Variants in FAT3 observed in about 807,000 individuals in gnomAD.
The protein encoded by FAT3 is protocadherin Fat 3.
Under a neutral mutation model 310.2 loss-of-function variants are expected in FAT3, and 95 were observed. The observed-to-expected ratio is 0.31, with a 90% CI of 0.26 to 0.36. The LOEUF (loss-of-function observed/expected upper bound fraction) is 0.36, where lower values mean the gene tolerates loss of function less well. Ranked by LOEUF, FAT3 falls within the 10% of genes least tolerant of loss-of-function variation. The probability of loss-of-function intolerance (pLI) is 1.00; values close to 1 mark genes in which losing one functional copy is unlikely to be tolerated. For synonymous variants in FAT3, 2,314 were observed against 2,192.9 expected (o/e 1.06, Z -1.54); for missense variants, 5,408 against 5,715.6 (o/e 0.95, Z 1.74).
intron 26 of FAT3, 51 bp downstream of exon 26, chr11:92,889,299 T>C: frequency 3.0e-6 from 2 of 675,540 alleles, no homozygotes; most frequent in Non-Finnish European, 5.5e-6. Context: ...GCTTCCTTGT[T>C]ACTTTGGACT....
At chr11:92,821,770 G>A (rs777958422) in intron 13 of FAT3, among the ~76,000 whole-genome samples, 4 of 152,150 alleles carry the variant, frequency 2.6e-5, no homozygotes, top group Non-Finnish European at 5.9e-5. Context: ...CAAGGCATCT[G>A]TTAAATGGAG....
At chr11:92,347,228 G>A (rs949835804) in intron 1 of FAT3, among the ~76,000 whole-genome samples, 3 of 152,056 alleles carry the variant, frequency 2.0e-5, no homozygotes, top group African/African-American at 7.2e-5. Flanking sequence ...ATTGGCTCTG[G>A]CACTGCATAC....
chr11:92,758,740 G>A (rs1946066961), intron 4 of FAT3, among the ~76,000 whole-genome samples: 2 of 152,190 alleles, frequency 1.3e-5, no homozygotes, highest in South Asian at 4.2e-4. Flanking sequence ...CAAGATGCAA[G>A]GGGGGTCTGT....
At chr11:92,336,351 G>A (rs773396018) in intron 1 of FAT3, 36 of 384,876 alleles carry the variant, frequency 9.4e-5, no homozygotes, top group Non-Finnish European at 1.4e-4. Context: ...GGTCAGTTCC[G>A]GGGGCTGTTT....
intron 2 of FAT3, among the ~76,000 whole-genome samples, chr11:92,379,106 TTC>T (rs1949426361): frequency 6.6e-6 from 1 of 152,158 alleles, no homozygotes; most frequent in South Asian, 2.1e-4. Flanking sequence ...TCCATATGCT[TTC>T]TGTAAGAAAC....
At chr11:92,539,456 A>G (rs1229666734) in intron 3 of FAT3, among the ~76,000 whole-genome samples, 2 of 152,176 alleles carry the variant, frequency 1.3e-5, no homozygotes, top group Non-Finnish European at 2.9e-5. Context: ...TGTAATAGCT[A>G]GTAAATGACT....
chr11:92,828,752 G>A (rs1311704560), intron 13 of FAT3, among the ~76,000 whole-genome samples: 1 of 152,136 alleles, frequency 6.6e-6, no homozygotes, highest in Non-Finnish European at 1.5e-5. Flanking sequence ...TCCTGTAAAC[G>A]CAGCACTCCA....
rs1450053871 is a variant in FAT3 at position 92,799,162 on chromosome 11, A to G, written c.6149A>G (p.Tyr2050Cys). ...TTTGACCGTGAAGAACAAGAGTTAT[A>G]TGAGCTGGTGGTAGAAGCCAGCCGT... ...VPFDREEQEL[Y>C]ELVVEASREL... Residue 2050 changes from tyrosine (Y) to cysteine (C), a missense_variant, in exon 10 of 28, where the codon TAT becomes TGT. Physicochemically the swap from Tyr to Cys is radical, Grantham distance 194. Coordinates refer to ENST00000525166, the MANE Select transcript of FAT3 (RefSeq NM_001367949.2). 35 of 1,613,828 alleles carry G rather than the reference A, an allele frequency of 2.2e-5. No individual in the cohort carries two copies. Among genetic ancestry groups the G allele is most frequent in the Non-Finnish European group, 3.0e-5 (35 of 1,179,872 alleles).
In FAT3 at chr11:92,342,982, C is replaced by T. The variant is rs546374658; in HGVS notation, c.-17-9114C>T. 1.3e-3 allele frequency among the ~76,000 whole-genome samples: 198 copies of T among 152,178 alleles called. 1 individual carries two copies. The highest frequency in any genetic ancestry group is 4.5e-3 in the African/African-American group (187 of 41,510). ...TGCTAATCTTTCCTTCTGATAGCCC[C>T]TGGTTGAATTACTCCTGAATTTGAA... On this transcript the variant is annotated intron_variant, in intron 1 of 27. Coordinates refer to ENST00000525166, the MANE Select transcript of FAT3 (RefSeq NM_001367949.2).
At chr11:92,875,103 G>T (rs1358108609) in intron 22 of FAT3, among the ~76,000 whole-genome samples, 4 of 151,014 alleles carry the variant, frequency 2.6e-5, no homozygotes, top group Non-Finnish European at 5.9e-5. Flanking sequence ...GTGAGAACAG[G>T]TTAATTTTCA....
At chr11:92,712,028 T>G (rs1184619512) in intron 4 of FAT3, among the ~76,000 whole-genome samples, 1 of 152,202 alleles carries the variant, frequency 6.6e-6, no homozygotes, top group Non-Finnish European at 1.5e-5. Context: ...GATAAACATT[T>G]GCCAAATGTG....
chr11:92,731,302 T>C (rs1405683764), intron 4 of FAT3, among the ~76,000 whole-genome samples: 1 of 152,186 alleles, frequency 6.6e-6, no homozygotes, highest in Non-Finnish European at 1.5e-5. Context: ...AGACAGTTTT[T>C]GGTTGTCACA....
intron 2 of FAT3, among the ~76,000 whole-genome samples, chr11:92,512,217 T>C (rs1953316374): frequency 6.6e-6 from 1 of 152,078 alleles, no homozygotes; most frequent in African/African-American, 2.4e-5. Context: ...TATATGCACA[T>C]ATAATATAGA....
At chr11:92,832,061 T>C (rs1323620472) in intron 14 of FAT3, 50 bp downstream of exon 14, 6 of 1,486,124 alleles carry the variant, frequency 4.0e-6, no homozygotes, top group Non-Finnish European at 5.4e-6. Context: ...CTTGGCACGG[T>C]GGCTCACACC....
At chr11:92,473,477 A>G (rs912439296) in intron 2 of FAT3, among the ~76,000 whole-genome samples, 3 of 152,172 alleles carry the variant, frequency 2.0e-5, no homozygotes, top group African/African-American at 4.8e-5. Flanking sequence ...AAATTTTATC[A>G]TCATTGAGAG....
chr11:92,834,896 G>C lies in FAT3; in HGVS notation c.9898G>C (p.Asp3300His). 1 of 1,611,914 alleles carries C rather than the reference G, an allele frequency of 6.2e-7. No individual in the cohort carries two copies. Among genetic ancestry groups the C allele is most frequent in the Non-Finnish European group, 8.5e-7 (1 of 1,179,050 alleles). The change falls in exon 15 of 28, where the codon GAC becomes CAC. Residue 3300 changes from aspartate to histidine, a missense_variant. Around this residue, in one of 5 missense-constraint regions of FAT3, gnomAD observed 4,588 missense variants for 4,809.8 expected, o/e 0.95. Transcript: ENST00000525166. ...TGGISVSEVLDYELCKRFYLV... is the reference protein window; with the variant it reads ...TGGISVSEVLHYELCKRFYLV... ...GGGTATTTCTGTCTCTGAAGTCCTG[G>C]ACTATGAATTATGCAAAAGGTTTTA...
At position 92,593,097 on chromosome 11, in the gene FAT3, A is replaced by G. The variant is rs571448330; in HGVS notation, c.3607+68149A>G. The stretch of plus-strand genomic sequence containing the variant: ...TAGCTAGCTTATTTCTGTTAGCATA[A>G]TGTCCTCAAGGTTTATCCATGTTGT... On this transcript the variant is annotated intron_variant, in intron 3 of 27. Coordinates refer to ENST00000525166, the MANE Select transcript of FAT3 (RefSeq NM_001367949.2). 1.8e-4 allele frequency among the ~76,000 whole-genome samples: 28 copies of G among 152,244 alleles called. 1 individual carries two copies. The South Asian group carries it at 5.8e-3, about 32-fold the overall frequency.
At chr11:92,670,216 C>T (rs760371800) in intron 3 of FAT3, among the ~76,000 whole-genome samples, 4 of 152,156 alleles carry the variant, frequency 2.6e-5, no homozygotes, top group Non-Finnish European at 4.4e-5. Flanking sequence ...CACAGGCAGC[C>T]TCTTGTTTCT....
At chr11:92,396,143 G>A (rs925351151) in intron 2 of FAT3, among the ~76,000 whole-genome samples, 2 of 152,142 alleles carry the variant, frequency 1.3e-5, no homozygotes, top group African/African-American at 2.4e-5. Flanking sequence ...GTAAATAGGT[G>A]TTACATCTAA....
Sources: allele counts gnomAD v4.1 joint callset (sites outside exome capture counted in the v4.1 genomes callset), GRCh38; gene constraint gnomAD v4.1.1; regional missense constraint gnomAD v4.1.1; transcripts MANE v1.5; gene names NCBI Gene and HGNC (gene_info 2026-07-23, HGNC 2026-07-21).